The following RBFOX1 variants were observed in gnomAD, a reference collection of about 807,000 sequenced individuals.
RBFOX1 encodes RNA binding protein fox-1 homolog 1.
A neutral mutation model predicts 57.7 loss-of-function variants in RBFOX1; 8 were observed. The ratio of observed to expected loss-of-function variants is 0.14; its 90% CI spans 0.08 to 0.25. The LOEUF is 0.25. Among genes scored for constraint, RBFOX1 ranks in the 10% least tolerant of loss-of-function variants. The pLI is 1.00. For missense variants in RBFOX1, 611 were observed against 548.5 expected (o/e 1.11, Z -1.14); for synonymous variants, 326 against 222.4 (o/e 1.47, Z -4.15).
At chr16:5,442,381 T>C (rs1428094592) in intron 1 of RBFOX1, among the ~76,000 whole-genome samples, 1 of 152,130 alleles carries the variant, frequency 6.6e-6, no homozygotes, top group Non-Finnish European at 1.5e-5. Flanking sequence ...TCTGGGAAAG[T>C]TGAAGGACTG....
chr16:7,418,804 CTG>C (rs1365544081), intron 4 of RBFOX1, among the ~76,000 whole-genome samples: 3 of 152,096 alleles, frequency 2.0e-5, no homozygotes, highest in Non-Finnish European at 2.9e-5. Context: ...CTGTCTTCCT[CTG>C]TCTCTCTCAC....
At chr16:6,120,587 G>C (rs1327183418) in intron 1 of RBFOX1, among the ~76,000 whole-genome samples, 1 of 152,126 alleles carries the variant, frequency 6.6e-6, no homozygotes, top group Non-Finnish European at 1.5e-5. Context: ...CCCCGTGTTT[G>C]TTATATGAGG....
intron 1 of RBFOX1, among the ~76,000 whole-genome samples, chr16:5,308,267 C>T (rs1417201818): frequency 1.3e-5 from 2 of 151,538 alleles, no homozygotes; most frequent in Non-Finnish European, 2.9e-5. Flanking sequence ...GCAGAGGTTG[C>T]AGTGAACTGA....
chr16:7,411,499 C>T (rs1296780211), intron 4 of RBFOX1, among the ~76,000 whole-genome samples: 1 of 152,200 alleles, frequency 6.6e-6, no homozygotes, highest in African/African-American at 2.4e-5. Flanking sequence ...AATGGAATAA[C>T]TCTTTTCTTC....
chr16:7,235,159 C>T (rs1462131227), intron 4 of RBFOX1, among the ~76,000 whole-genome samples: 2 of 152,182 alleles, frequency 1.3e-5, no homozygotes, highest in African/African-American at 2.4e-5. Flanking sequence ...AATAAACATT[C>T]ATTTGGCATC....
At chr16:6,691,233 C>G (rs1407317495) in intron 3 of RBFOX1, among the ~76,000 whole-genome samples, 1 of 152,104 alleles carries the variant, frequency 6.6e-6, no homozygotes. Context: ...TTTTCTGTCC[C>G]TATAAAATTA....
chr16:6,143,608 G>A (rs1161427127), intron 1 of RBFOX1, among the ~76,000 whole-genome samples: 1 of 152,134 alleles, frequency 6.6e-6, no homozygotes, highest in African/African-American at 2.4e-5. Context: ...CTTGGAGGAT[G>A]ATAATTGCCC....
chr16:5,341,673 T>G (rs1038808033), intron 1 of RBFOX1, among the ~76,000 whole-genome samples: 12 of 152,106 alleles, frequency 7.9e-5, no homozygotes, highest in African/African-American at 2.4e-4. Flanking sequence ...AATGATCCAT[T>G]TTAGGGTGAG....
At chr16:6,359,615 A>G (rs1222173305) in intron 2 of RBFOX1, among the ~76,000 whole-genome samples, 3 of 152,216 alleles carry the variant, frequency 2.0e-5, no homozygotes, top group Admixed American at 6.5e-5. Flanking sequence ...CACTTGAACC[A>G]GAAAACATCA....
intron 2 of RBFOX1, among the ~76,000 whole-genome samples, chr16:5,554,933 G>C (rs1006272576): frequency 1.3e-5 from 2 of 152,198 alleles, no homozygotes; most frequent in Non-Finnish European, 2.9e-5. Flanking sequence ...CTGATTCAAG[G>C]GCAGGATGCA....
chr16:6,469,440 G>A (rs781372577), intron 2 of RBFOX1, among the ~76,000 whole-genome samples: 6 of 152,236 alleles, frequency 3.9e-5, no homozygotes, highest in East Asian at 1.9e-4. Flanking sequence ...GATTTCCTTC[G>A]TTGATTGAGC....
chr16:7,469,838 A>C (rs2061237506), intron 4 of RBFOX1, among the ~76,000 whole-genome samples: 1 of 152,172 alleles, frequency 6.6e-6, no homozygotes, highest in African/African-American at 2.4e-5. Flanking sequence ...CACTAATTTC[A>C]TCCGTCCTGC....
intron 2 of RBFOX1, among the ~76,000 whole-genome samples, chr16:5,488,628 G>A (rs1256007428): frequency 1.5e-5 from 1 of 66,932 alleles, no homozygotes; most frequent in African/African-American, 3.7e-5. Flanking sequence ...TGATAATGGA[G>A]GATTATAGTG....
At chr16:5,287,779 C>G (rs1282958736) in intron 1 of RBFOX1, among the ~76,000 whole-genome samples, 1 of 152,062 alleles carries the variant, frequency 6.6e-6, no homozygotes. Context: ...TTCCAGTGGC[C>G]AAAGCTAGAC....
chr16:6,864,346 A>G (rs141847720), intron 3 of RBFOX1, among the ~76,000 whole-genome samples: 12 of 152,286 alleles, frequency 7.9e-5, no homozygotes, highest in African/African-American at 2.6e-4. Context: ...ACATTTGAAA[A>G]ACAATAATAA....
At chr16:5,278,246 G>A (rs572859762) in intron 1 of RBFOX1, among the ~76,000 whole-genome samples, 5 of 152,068 alleles carry the variant, frequency 3.3e-5, no homozygotes, top group African/African-American at 4.8e-5. Flanking sequence ...TTGCATTTCC[G>A]TGATGATTAG....
At chr16:7,346,716 A>T (rs1243633252) in intron 4 of RBFOX1, among the ~76,000 whole-genome samples, 2 of 152,026 alleles carry the variant, frequency 1.3e-5, no homozygotes, top group East Asian at 2.0e-4. Flanking sequence ...CTTATCTCTG[A>T]TCAATAACTG....
rs566524952 is a variant in RBFOX1 at position 6,784,083 on chromosome 16, C to G, written c.-16+129433C>G. 2.6e-5 allele frequency among the ~76,000 whole-genome samples: 4 copies of G among 152,050 alleles called. No homozygotes were observed. In the South Asian group the frequency reaches 6.2e-4, roughly 24 times the overall value. On this transcript the variant is annotated intron_variant, in intron 3 of 15. Transcript: ENST00000550418. ...TTAGGGTCCTCTTTTTGTCCTTAAC[C>G]TTTGAGAATTTGATTATTGTATACC...
chr16:6,824,562 A>T (rs184259885), intron 3 of RBFOX1, among the ~76,000 whole-genome samples: 2 of 152,316 alleles, frequency 1.3e-5, no homozygotes, highest in East Asian at 3.9e-4. Flanking sequence ...AATAATAATC[A>T]TAATAAATAC....
Sources: allele counts gnomAD v4.1 joint callset (sites outside exome capture counted in the v4.1 genomes callset), GRCh38; gene constraint gnomAD v4.1.1; transcripts MANE v1.5; gene names NCBI Gene and HGNC (gene_info 2026-07-23, HGNC 2026-07-21).